Variants in TTC21B observed in about 807,000 individuals in gnomAD.
TTC21B encodes the protein tetratricopeptide repeat domain 21B.
A neutral mutation model predicts 175.1 loss-of-function variants in TTC21B; 127 were observed. That is an observed-to-expected ratio of 0.73 (90% confidence interval 0.63 to 0.84). The LOEUF is 0.84. Ranked by LOEUF, TTC21B falls within the 40% of genes least tolerant of loss-of-function variation. TTC21B has a pLI of 0.00. For synonymous variants in TTC21B, 524 were observed against 524.5 expected (o/e 1.00, Z 0.01); for missense variants, 1,561 against 1,558.3 (o/e 1.00, Z -0.03).
At chr2:165,891,644 G>T (rs548616663) in intron 22 of TTC21B, among the ~76,000 whole-genome samples, 1 of 151,656 alleles carries the variant, frequency 6.6e-6, no homozygotes, top group South Asian at 2.1e-4. Flanking sequence ...TAATTTCCTG[G>T]CAGGTTCCTA....
intron 25 of TTC21B, among the ~76,000 whole-genome samples, chr2:165,884,233 T>C (rs1684934973): frequency 6.6e-6 from 1 of 152,202 alleles, no homozygotes; most frequent in Admixed American, 6.5e-5. Context: ...TCAAGATAAT[T>C]GAAGATAATG....
chr2:165,908,042 TAAC>T (rs1187884258), intron 18 of TTC21B, among the ~76,000 whole-genome samples: 2 of 152,302 alleles, frequency 1.3e-5, no homozygotes, highest in African/African-American at 2.4e-5. Flanking sequence ...TATTAGGAGA[TAAC>T]AATTTAACAC....
chr2:165,935,603 G>T (rs1241646680), intron 6 of TTC21B, among the ~76,000 whole-genome samples: 1 of 152,042 alleles, frequency 6.6e-6, no homozygotes, highest in Non-Finnish European at 1.5e-5. Flanking sequence ...ATCAACAAGC[G>T]ATTATAGCAA....
chr2:165,881,769 A>AT (rs982584546), intron 26 of TTC21B, among the ~76,000 whole-genome samples: 1 of 152,050 alleles, frequency 6.6e-6, no homozygotes, highest in African/African-American at 2.4e-5. Context: ...CTTAATTGTA[A>AT]TTTTTTTCCA....
chr2:165,877,817 C>A (rs555421451), intron 27 of TTC21B, among the ~76,000 whole-genome samples: 2 of 152,244 alleles, frequency 1.3e-5, no homozygotes, highest in African/African-American at 4.8e-5. Flanking sequence ...AATCTCACAT[C>A]TCAGATTTTA....
intron 18 of TTC21B, among the ~76,000 whole-genome samples, chr2:165,909,190 T>C (rs565459753): frequency 1.2e-3 from 176 of 152,190 alleles, no homozygotes; most frequent in African/African-American, 4.0e-3. Flanking sequence ...GAAAATAAAA[T>C]TGGCTATCCA....
chr2:165,898,648 G>A (rs763711186), intron 22 of TTC21B, 38 bp downstream of exon 22: 1 of 1,336,540 alleles, frequency 7.5e-7, no homozygotes, highest in South Asian at 1.2e-5. Flanking sequence ...AAAGGGAGGG[G>A]TGACTGCACT....
intron 12 of TTC21B, among the ~76,000 whole-genome samples, chr2:165,921,940 C>T (rs1054108426): frequency 2.3e-4 from 35 of 151,610 alleles, no homozygotes; most frequent in African/African-American, 8.2e-4. Flanking sequence ...AGCACTGTAC[C>T]CAATGTACAT....
chr2:165,926,991 C>CATATATAT (rs367965246), intron 11 of TTC21B, among the ~76,000 whole-genome samples: 325 of 14,614 alleles, frequency 0.022, 60 homozygotes, highest in African/African-American at 0.032. Context: ...TATAAACTCC[C>CATATATAT]ATATATATAT....
chr2:165,910,046 AC>A (rs1488273307), intron 18 of TTC21B, among the ~76,000 whole-genome samples: 1 of 152,136 alleles, frequency 6.6e-6, no homozygotes, highest in Non-Finnish European at 1.5e-5. Context: ...AGAGGACACA[AC>A]TTTTATTCAC....
intron 24 of TTC21B, among the ~76,000 whole-genome samples, chr2:165,889,589 C>T (rs907548577): frequency 2.0e-5 from 3 of 152,044 alleles, no homozygotes; most frequent in Admixed American, 6.6e-5. Context: ...TTACCTCAAC[C>T]TTCCTAAAAC....
chr2:165,929,286 T>G lies in TTC21B; in HGVS notation c.1235A>C (p.Gln412Pro). The G allele has an allele frequency of 6.2e-7, 1 of 1,612,570 alleles. No individual in the cohort carries two copies. Among genetic ancestry groups the G allele is most frequent in the Non-Finnish European group, 8.5e-7 (1 of 1,179,086 alleles). Residue 412 changes from glutamine to proline, a missense_variant, in exon 11 of 29, where the codon CAA becomes CCA. Transcript: ENST00000243344. The part of the protein sequence containing the change: ...AVLAMKKNKR[Q>P]EEVINLLNDV... ...ATTTAACAAATTAATAACTTCTTCT[T>G]GTCGTTTATTTTTCTTCATGGCAAG...
At chr2:165,946,170 A>C (rs1687553200) in intron 3 of TTC21B, among the ~76,000 whole-genome samples, 1 of 13,792 alleles carries the variant, frequency 7.3e-5, no homozygotes, top group Non-Finnish European at 3.2e-4. Flanking sequence ...CTAAAGATAC[A>C]AAAAAAAAAA....
intron 19 of TTC21B, among the ~76,000 whole-genome samples, chr2:165,904,610 T>G (rs1447253127): frequency 6.6e-6 from 1 of 152,238 alleles, no homozygotes; most frequent in East Asian, 1.9e-4. Context: ...GGGTTAGGAC[T>G]GAGGCATCTG....
Position 165,888,289 on chromosome 2 carries a change from G to A in TTC21B, c.3449C>T (p.Ala1150Val). Residue 1150 changes from alanine to valine, a missense_variant, in exon 25 of 29, where the codon GCA (alanine) becomes GTA (valine). Ala to Val is a moderately conservative substitution (Grantham distance 64, BLOSUM62 0). Transcript: ENST00000243344. ...AGGAAATCCACTAACCTCAGATGCT[G>A]CTATTTCAGTGAAGGTATTTAATGC... ...EQALNTFTEIAASEKEHIPAL... is the reference protein window; with the variant it reads ...EQALNTFTEIVASEKEHIPAL... The A allele has an allele frequency of 6.2e-7, 1 of 1,612,300 alleles. No individual in the cohort carries two copies. Among genetic ancestry groups the A allele is most frequent in the Non-Finnish European group, 8.5e-7 (1 of 1,178,380 alleles).
In TTC21B at chr2:165,919,698, G is replaced by C. The variant is rs1686316364; in HGVS notation, c.1517-265C>G. ...CAGGAAAGGATGAGAGCCAAGCACT[G>C]GTGTTACTGAGAGGCCAATAAACGG... On this transcript the variant is annotated intron_variant, in intron 12 of 28. Transcript: ENST00000243344. Among the ~76,000 whole-genome samples, 3 of 152,102 alleles carry C rather than the reference G, an allele frequency of 2.0e-5. No individual in the cohort carries two copies. In the South Asian group the frequency reaches 6.2e-4, roughly 32 times the overall value.
intron 27 of TTC21B, chr2:165,879,667 G>A (rs1325981097): frequency 6.6e-6 from 1 of 152,120 alleles, no homozygotes; most frequent in African/African-American, 2.4e-5. Context: ...GTTCATTTAT[G>A]GTACAACAGG....
At chr2:165,932,631 C>T (rs1432271) in intron 7 of TTC21B, among the ~76,000 whole-genome samples, 1,904 of 151,802 alleles carry the variant, frequency 0.013, 114 homozygotes, top group Admixed American at 0.1. Context: ...TACATACTTT[C>T]TCATATCTAG....
chr2:165,950,149 A>G (rs960009011), intron 1 of TTC21B, among the ~76,000 whole-genome samples: 4 of 151,966 alleles, frequency 2.6e-5, no homozygotes, highest in Admixed American at 6.5e-5. Flanking sequence ...TCTTTTTAAA[A>G]TATCCAGTAT....
Sources: gnomAD v4.1 joint callset for allele counts (sites outside exome capture counted in the v4.1 genomes callset) on GRCh38, gnomAD v4.1.1 for gene constraint, MANE v1.5 for transcripts, NCBI Gene and HGNC (gene_info 2026-07-23, HGNC 2026-07-21) for gene names.